CCDC88C: variants seen among roughly 807,000 people sequenced by gnomAD.
The protein encoded by CCDC88C is coiled-coil and HOOK domain protein 88C.
CCDC88C carries 131 observed loss-of-function variants against 198.8 expected under a neutral mutation model. That is an observed-to-expected ratio of 0.66 (90% confidence interval 0.57 to 0.76). The LOEUF is 0.76. CCDC88C is among the 30% of genes least tolerant of loss of function. The pLI is 0.00. For missense variants in CCDC88C, 2,553 were observed against 2,631.6 expected, an observed-to-expected ratio of 0.97 and a Z score of 0.65; for synonymous variants, 1,166 against 1,114.7, an observed-to-expected ratio of 1.05 and a Z score of -0.92.
intron 23 of CCDC88C, among the ~76,000 whole-genome samples, chr14:91,292,305 G>T (rs893046953): frequency 6.6e-6 from 1 of 152,192 alleles, no homozygotes; most frequent in Non-Finnish European, 1.5e-5. Flanking sequence ...CCCGGAGCAG[G>T]CCCCAGGAAG....
At chr14:91,349,230 T>C (rs750840610) in intron 4 of CCDC88C, among the ~76,000 whole-genome samples, 9 of 152,092 alleles carry the variant, frequency 5.9e-5, no homozygotes, top group Non-Finnish European at 1.3e-4. Flanking sequence ...TGATAAATGC[T>C]ATGGGAACCC....
In CCDC88C at chr14:91,297,388, G is replaced by A. The variant is rs771342406; in HGVS notation, c.3883C>T (p.Arg1295Cys). ...AGCTCGTCGAAGCGGGCCTGCCAGC[G>A]GTTGAGCTCCAGCTGCGCGTTGTTC... ...SLNNAQLELN[R>C]WQARFDELKE... Residue 1295 changes from arginine to cysteine, a missense_variant, in exon 22 of 30, where the codon CGC (arginine) becomes TGC (cysteine). By Grantham distance (180) the Arg-to-Cys change is radical. Around this residue, in one of 2 missense-constraint regions of CCDC88C, gnomAD observed 1,293 missense variants for 1,219.6 expected, o/e 1.06. Transcript: ENST00000389857. 2.1e-5 allele frequency: 34 copies of A among 1,613,124 alleles called. No homozygotes were observed. The highest frequency in any genetic ancestry group is 5.3e-5 in the African/African-American group (4 of 74,926).
intron 3 of CCDC88C, among the ~76,000 whole-genome samples, chr14:91,399,854 A>AAAAAAG (rs1555429797): frequency 7.1e-6 from 1 of 141,366 alleles, no homozygotes; most frequent in Non-Finnish European, 1.5e-5. Context: ...AAAAAAAAAA[A>AAAAAAG]AAGAAGAAGA....
At chr14:91,388,660 A>G (rs1885296261) in intron 3 of CCDC88C, among the ~76,000 whole-genome samples, 1 of 152,222 alleles carries the variant, frequency 6.6e-6, no homozygotes, top group African/African-American at 2.4e-5. Context: ...AGCCACTCGC[A>G]AAACAGAGAA....
chr14:91,355,364 T>C (rs1255576587), intron 4 of CCDC88C, among the ~76,000 whole-genome samples: 1 of 152,080 alleles, frequency 6.6e-6, no homozygotes, highest in Non-Finnish European at 1.5e-5. Context: ...CGCCTCACTA[T>C]GGGGGCAGGC....
At chr14:91,341,136 G>A (rs1014821842) in intron 6 of CCDC88C, among the ~76,000 whole-genome samples, 2 of 152,224 alleles carry the variant, frequency 1.3e-5, no homozygotes, top group African/African-American at 4.8e-5. Context: ...AAAAGGCCGA[G>A]TTTGGATACA....
intron 13 of CCDC88C, among the ~76,000 whole-genome samples, chr14:91,320,101 AC>A (rs1892296884): frequency 6.6e-6 from 1 of 151,894 alleles, no homozygotes; most frequent in Non-Finnish European, 1.5e-5. Flanking sequence ...AGTTTCGAAA[AC>A]CCTTGGAATC....
At position 91,324,959 on chromosome 14, in the gene CCDC88C, C is replaced by A. The variant is rs115561940; in HGVS notation, c.1198-36G>T. ...CAAGAAGAGGCAAGAAGTGAGGCTG[C>A]ACAGCTGGAGATCCCCCTGGACAAG... On this transcript the variant is annotated intron_variant, in intron 11 of 29. Coordinates refer to ENST00000389857, the MANE Select transcript of CCDC88C (RefSeq NM_001080414.4). 2.2e-3 allele frequency: 3,522 copies of A among 1,611,520 alleles called. 74 individuals are homozygous for A. The African/African-American group carries it at 0.042, about 19-fold the overall frequency.
chr14:91,411,691 G>A (rs980172135), intron 2 of CCDC88C, among the ~76,000 whole-genome samples: 3 of 152,100 alleles, frequency 2.0e-5, no homozygotes, highest in Non-Finnish European at 4.4e-5. Context: ...GGCCAAGCAC[G>A]ATGGCTCATG....
At chr14:91,377,920 C>T (rs1478607461) in intron 3 of CCDC88C, among the ~76,000 whole-genome samples, 1 of 151,552 alleles carries the variant, frequency 6.6e-6, no homozygotes, top group Non-Finnish European at 1.5e-5. Context: ...TTCCCAGGAG[C>T]ACACGACGCT....
chr14:91,278,424 G>A (rs1261188390), intron 28 of CCDC88C, among the ~76,000 whole-genome samples: 6 of 152,224 alleles, frequency 3.9e-5, no homozygotes, highest in Non-Finnish European at 8.8e-5. Flanking sequence ...GATAAAAGTG[G>A]AAAGCTTCTG....
intron 13 of CCDC88C, among the ~76,000 whole-genome samples, chr14:91,319,016 G>A (rs1892233964): frequency 6.6e-6 from 1 of 152,030 alleles, no homozygotes; most frequent in Non-Finnish European, 1.5e-5. Flanking sequence ...ACTCACAGCT[G>A]GATGGCTGAG....
At chr14:91,290,165 GGGAGGGTGAGGCA>G (rs1890599809) in intron 24 of CCDC88C, among the ~76,000 whole-genome samples, 1 of 152,204 alleles carries the variant, frequency 6.6e-6, no homozygotes, top group Admixed American at 6.5e-5. Flanking sequence ...CCAGCTACTC[GGGAGGGTGAGGCA>G]GGAGGATGGC....
At chr14:91,345,166 TTATATA>T (rs758438547) in intron 4 of CCDC88C, among the ~76,000 whole-genome samples, 24 of 100,532 alleles carry the variant, frequency 2.4e-4, no homozygotes, top group East Asian at 1.0e-3. Flanking sequence ...GAGGTTCAAT[TTATATA>T]TATATATATA....
In CCDC88C at chr14:91,272,913, T is replaced by A; in HGVS notation, c.5799A>T (p.Ala1933=). 6.3e-7 allele frequency: 1 copy of A among 1,575,432 alleles called. No individual in the cohort carries two copies. Among genetic ancestry groups the A allele is most frequent in the Non-Finnish European group, 8.6e-7 (1 of 1,165,136 alleles). The change falls in exon 30 of 30, where the codon GCA becomes GCT. Residue 1933 remains alanine, a synonymous_variant. Transcript: ENST00000389857. ...TGGGCTTGGTCCTGGCAGCCGGGGC[T>A]GCAGCAGGTGAGAAGTGCAGGAGCT... is the stretch of plus-strand genomic sequence containing the variant. ...NSQLLHFSPA[A]APAARTKPKA... is the part of the protein sequence containing the mutation.
At chr14:91,281,285 A>G in intron 27 of CCDC88C, 172 bp downstream of exon 27, 1 of 1,504,282 alleles carries the variant, frequency 6.6e-7, no homozygotes. Flanking sequence ...GAGGTATGTA[A>G]GTAGAAGCTA....
chr14:91,315,658 C>T lies in CCDC88C; in HGVS notation c.1657G>A (p.Ala553Thr), dbSNP rs1057161257. 3 of 1,613,834 alleles carry T rather than the reference C, an allele frequency of 1.9e-6. No homozygotes were observed. Among genetic ancestry groups the T allele is most frequent in the Admixed American group, 1.7e-5 (1 of 60,000 alleles). The change falls in exon 14 of 30, where the codon GCC becomes ACC. Residue 553 changes from alanine to threonine, a missense_variant. Around this residue, in one of 2 missense-constraint regions of CCDC88C, gnomAD observed 1,260 missense variants for 1,412.0 expected, o/e 0.89. Coordinates refer to ENST00000389857, the MANE Select transcript of CCDC88C (RefSeq NM_001080414.4). ...GTGGTGGAGGCACCTACCTGCCTGG[C>T]TTTGTCAGCCTTCAGGGTCTCCATG... ...SDMETLKADKARQIKDLEQEK... is the reference protein window; with the variant it reads ...SDMETLKADKTRQIKDLEQEK...
At chr14:91,390,190 T>C (rs1294141288) in intron 3 of CCDC88C, among the ~76,000 whole-genome samples, 1 of 152,104 alleles carries the variant, frequency 6.6e-6, no homozygotes, top group African/African-American at 2.4e-5. Flanking sequence ...GTTGCTACTT[T>C]CAAGGCGGGG....
intron 19 of CCDC88C, among the ~76,000 whole-genome samples, chr14:91,304,874 C>T (rs993060094): frequency 5.9e-5 from 9 of 152,134 alleles, no homozygotes; most frequent in South Asian, 2.1e-4. Context: ...GAACAAATTC[C>T]GATTTCTTTG....
Sources: allele counts gnomAD v4.1 joint callset (sites outside exome capture counted in the v4.1 genomes callset), GRCh38; gene constraint gnomAD v4.1.1; regional missense constraint gnomAD v4.1.1; transcripts MANE v1.5; gene names NCBI Gene and HGNC (gene_info 2026-07-23, HGNC 2026-07-21).